The following ABRACL variants were observed in gnomAD, a reference collection of about 807,000 sequenced individuals.
ABRACL encodes the protein costars family protein ABRACL.
ABRACL carries 4 observed loss-of-function variants against 7.0 expected under a neutral mutation model. The observed-to-expected ratio is 0.57, with a 90% CI of 0.28 to 1.30. ABRACL has a LOEUF of 1.30. Ranked by LOEUF, ABRACL falls within the 50% of genes most tolerant of loss-of-function variation. The pLI, the probability that ABRACL is intolerant of heterozygous loss-of-function variation, is 0.10. For synonymous variants in ABRACL, 30 were observed against 36.0 expected (o/e 0.83, Z 0.60); for missense variants, 104 against 97.3 (o/e 1.07, Z -0.29).
At chr6:139,030,694 T>A (rs1167491846) in intron 1 of ABRACL, among the ~76,000 whole-genome samples, 1 of 152,346 alleles carries the variant, frequency 6.6e-6, no homozygotes, top group Non-Finnish European at 1.5e-5. Context: ...TCACGTTTCA[T>A]ACAAATACCA....
chr6:139,030,030 A>G (rs1024405274), intron 1 of ABRACL, among the ~76,000 whole-genome samples: 2 of 152,064 alleles, frequency 1.3e-5, no homozygotes, highest in Non-Finnish European at 2.9e-5. Context: ...CGATTCTGCG[A>G]CAATTAGAGT....
intron 1 of ABRACL, among the ~76,000 whole-genome samples, chr6:139,032,276 A>T (rs2114299206): frequency 6.6e-6 from 1 of 152,284 alleles, no homozygotes; most frequent in East Asian, 1.9e-4. Flanking sequence ...TCCTACTTTT[A>T]TTCTCATGGC....
intron 2 of ABRACL, among the ~76,000 whole-genome samples, chr6:139,041,357 T>C (rs1312769826): frequency 6.6e-6 from 1 of 150,492 alleles, no homozygotes; most frequent in Non-Finnish European, 1.5e-5. Flanking sequence ...CTCAAACTCC[T>C]GGGCTCAAAC....
Position 139,042,845 on chromosome 6 carries a change from G to A in ABRACL, c.188G>A (p.Gly63Glu). 2 of 1,613,924 alleles carry A rather than the reference G, an allele frequency of 1.2e-6. No individual in the cohort carries two copies. Among genetic ancestry groups the A allele is most frequent in the African/African-American group, 1.3e-5 (1 of 75,040 alleles). The change falls in exon 3 of 3, where the codon GGA (glycine) becomes GAA (glutamate). Residue 63 changes from glycine (G) to glutamate (E), a missense_variant. Coordinates refer to ENST00000367660, the MANE Select transcript of ABRACL (RefSeq NM_021243.3). ...AKRRKIVTYPGELLLQGVHDD... is the reference protein window; with the variant it reads ...AKRRKIVTYPEELLLQGVHDD... Reference sequence around the variant, plus strand: ...CGAAGGAAGATTGTAACATATCCAGGAGAGCTGCTTCTGCAAGGTGTTCAT... The same window carrying A: ...CGAAGGAAGATTGTAACATATCCAGAAGAGCTGCTTCTGCAAGGTGTTCAT...
rs748288046 is a variant in ABRACL, at chr6:139,041,531, A to ATATTTTTTTT, written c.62-1187_62-1186insATTTTTTTTT. Among the ~76,000 whole-genome samples, 406 of 126,028 alleles carry ATATTTTTTTT rather than the reference A, an allele frequency of 3.2e-3. 5 individuals carry two copies. The highest frequency in any genetic ancestry group is 0.017 in the South Asian group (70 of 4,036). The allele number at this position is 126,028 out of a possible 152,430, so 82.7% of individuals were successfully genotyped here. On this transcript the variant is annotated intron_variant, in intron 2 of 2. Coordinates refer to ENST00000367660, the MANE Select transcript of ABRACL (RefSeq NM_021243.3). Reference sequence around the variant, plus strand: ...TGTGTGTGTATATATATATATATATATTTTTTTTTAGGAGAGACATGGTCT... The same window carrying ATATTTTTTTT: ...TGTGTGTGTATATATATATATATATATATTTTTTTTTTTTTTTTTAGGAGAGACATGGTCT...
chr6:139,038,064 G>A (rs1184171935), intron 2 of ABRACL, among the ~76,000 whole-genome samples: 1 of 152,044 alleles, frequency 6.6e-6, no homozygotes, highest in Non-Finnish European at 1.5e-5. Flanking sequence ...GACATGAGCT[G>A]CTGGGCCCAG....
chr6:139,032,056 G>A (rs1786089425), intron 1 of ABRACL, among the ~76,000 whole-genome samples: 2 of 151,936 alleles, frequency 1.3e-5, no homozygotes, highest in Non-Finnish European at 1.5e-5. Flanking sequence ...CGCCTCCCGG[G>A]TTCACGCCAT....
At chr6:139,034,312 C>T (rs745873738) in intron 2 of ABRACL, 91 bp downstream of exon 2, 1 of 1,609,290 alleles carries the variant, frequency 6.2e-7, no homozygotes, top group Non-Finnish European at 8.5e-7. Context: ...AAGGGGTCAC[C>T]CAGGGCTTCA....
intron 1 of ABRACL, among the ~76,000 whole-genome samples, chr6:139,029,557 GCCCAGC>G (rs1264527430): frequency 6.6e-6 from 1 of 152,100 alleles, no homozygotes; most frequent in African/African-American, 2.4e-5. Context: ...GCCACGGGGG[GCCCAGC>G]CCCGCGCTCC....
intron 1 of ABRACL, among the ~76,000 whole-genome samples, chr6:139,030,882 C>T (rs1786072530): frequency 6.6e-6 from 1 of 152,144 alleles, no homozygotes; most frequent in Admixed American, 6.5e-5. Flanking sequence ...CATGAATTAA[C>T]GTAGATAAGG....
intron 2 of ABRACL, among the ~76,000 whole-genome samples, chr6:139,037,801 G>C: frequency 7.0e-6 from 1 of 143,580 alleles, no homozygotes; most frequent in East Asian, 2.1e-4. Flanking sequence ...TTCTGGGATA[G>C]AGTCTTGCTC....
At chr6:139,029,023 T>G (rs1440968393) in intron 1 of ABRACL, 148 bp downstream of exon 1, 1 of 152,028 alleles carries the variant, frequency 6.6e-6, no homozygotes, top group African/African-American at 2.4e-5. Flanking sequence ...TGCGACCGGC[T>G]GGGCCGAGAC....
At chr6:139,035,926 CCTG>C (rs1786149123) in intron 2 of ABRACL, among the ~76,000 whole-genome samples, 1 of 149,792 alleles carries the variant, frequency 6.7e-6, no homozygotes, top group Non-Finnish European at 1.5e-5. Context: ...ATGGTGAAAC[CCTG>C]TCTCTACTAA....
intron 2 of ABRACL, 104 bp from the exon 3 acceptor site, chr6:139,042,615 G>T: frequency 9.0e-7 from 1 of 1,114,732 alleles, no homozygotes; most frequent in Non-Finnish European, 1.3e-6. Flanking sequence ...TTGCAACCTT[G>T]GATAGCCCAT....
At chr6:139,036,142 T>G (rs1000440422) in intron 2 of ABRACL, among the ~76,000 whole-genome samples, 3 of 151,406 alleles carry the variant, frequency 2.0e-5, no homozygotes, top group African/African-American at 7.3e-5. Context: ...AGTTTCACCA[T>G]GTTGGCCAGG....
intron 1 of ABRACL, among the ~76,000 whole-genome samples, chr6:139,033,282 G>A (rs1304331708): frequency 1.3e-5 from 2 of 152,204 alleles, no homozygotes; most frequent in African/African-American, 4.8e-5. Context: ...AGTGAACCAA[G>A]GTAAGGCTCA....
At chr6:139,032,310 T>C (rs1786094341) in intron 1 of ABRACL, among the ~76,000 whole-genome samples, 1 of 152,234 alleles carries the variant, frequency 6.6e-6, no homozygotes, top group African/African-American at 2.4e-5. Context: ...CTCGTGCCTG[T>C]GTACTCTGTG....
chr6:139,033,699 C>T (rs578110089), intron 1 of ABRACL, among the ~76,000 whole-genome samples: 1 of 152,326 alleles, frequency 6.6e-6, no homozygotes, highest in Non-Finnish European at 1.5e-5. Flanking sequence ...CTTCCATATG[C>T]CTTGGACCCA....
rs1023337605 is a variant in ABRACL, at chr6:139,029,161, A to G, written c.-7+286A>G. On this transcript the variant is annotated intron_variant, in intron 1 of 2. Coordinates refer to ENST00000367660, the MANE Select transcript of ABRACL (RefSeq NM_021243.3). Reference sequence around the variant, plus strand: ...CTGGGAAGCCGGCAGAAATGGAACGATTTTTACCGCGGTGCGACGTGTCGG... The same window carrying G: ...CTGGGAAGCCGGCAGAAATGGAACGGTTTTTACCGCGGTGCGACGTGTCGG... Among the ~76,000 whole-genome samples the G allele has an allele frequency of 2.0e-5, 3 of 151,764 alleles. No homozygotes were observed. The East Asian group carries it at 5.9e-4, about 30-fold the overall frequency.
Sources: allele counts gnomAD v4.1 joint callset (sites outside exome capture counted in the v4.1 genomes callset), GRCh38; gene constraint gnomAD v4.1.1; transcripts MANE v1.5; gene names NCBI Gene and HGNC (gene_info 2026-07-23, HGNC 2026-07-21).